FSTL4: variants seen among roughly 807,000 people sequenced by gnomAD.
FSTL4 encodes follistatin like 4, also known as follistatin-related protein 4.
In FSTL4, 28 loss-of-function variants were observed where a neutral mutation model predicts 78.2. That is an observed-to-expected ratio of 0.36 (90% CI 0.27 to 0.49). FSTL4 has a LOEUF of 0.49. FSTL4 is among the 20% of genes least tolerant of loss of function. The pLI is 0.98. For missense variants in FSTL4, 922 were observed against 1,084.9 expected (o/e 0.85, Z 2.11); for synonymous variants, 422 against 440.5 (o/e 0.96, Z 0.53).
At chr5:133,311,040 C>T (rs1369725961) in intron 6 of FSTL4, among the ~76,000 whole-genome samples, 1 of 152,200 alleles carries the variant, frequency 6.6e-6, no homozygotes, top group African/African-American at 2.4e-5. Flanking sequence ...AATGTCCCCC[C>T]TTCCCCTTTT....
At chr5:133,802,659 G>C in the FSTL4 span, among the ~76,000 whole-genome samples, 8 of 152,120 alleles carry the variant, frequency 5.3e-5, no homozygotes, top group African/African-American at 1.9e-4. Context: ...CATCATCCCA[G>C]CCCAAGCCTC....
chr5:133,748,726 G>A, the FSTL4 span, among the ~76,000 whole-genome samples: 1 of 152,298 alleles, frequency 6.6e-6, no homozygotes, highest in East Asian at 1.9e-4. Context: ...GCCCTGAAGT[G>A]TTTCTTCTGA....
chr5:133,245,926 A>G (rs1014844263), intron 7 of FSTL4, among the ~76,000 whole-genome samples: 12 of 152,248 alleles, frequency 7.9e-5, no homozygotes, highest in Admixed American at 7.2e-4. Flanking sequence ...GGCATTCTGT[A>G]ATAGCTCTGT....
Position 133,230,304 on chromosome 5 carries a change from G to T in FSTL4, c.1015+3113C>A, listed in dbSNP as rs13360360. ...CCTAAGATCTGAGATGGGGCTGGAG[G>T]ATGTGCATTTACCTAACAGGTTCCA... On this transcript the variant is annotated intron_variant, in intron 8 of 15. Transcript: ENST00000265342. Among the ~76,000 whole-genome samples, 667 of 152,290 alleles carry T rather than the reference G, an allele frequency of 4.4e-3. 5 individuals carry two copies. Among genetic ancestry groups the T allele is most frequent in the Non-Finnish European group, 5.0e-3 (343 of 68,018 alleles).
chr5:133,345,032 G>A (rs1400289717), intron 4 of FSTL4, among the ~76,000 whole-genome samples: 2 of 147,744 alleles, frequency 1.4e-5, no homozygotes, highest in Non-Finnish European at 3.0e-5. Context: ...GCAGTGGAAC[G>A]ATCTCCACTC....
At chr5:133,780,882 A>G in the FSTL4 span, among the ~76,000 whole-genome samples, 6 of 152,184 alleles carry the variant, frequency 3.9e-5, no homozygotes, top group Non-Finnish European at 7.3e-5. Flanking sequence ...GTTGGCTCTA[A>G]ACAGCCTGCT....
chr5:133,779,358 G>A, the FSTL4 span, among the ~76,000 whole-genome samples: 5 of 152,120 alleles, frequency 3.3e-5, no homozygotes, highest in Admixed American at 6.5e-5. Context: ...AAGCCAAGGC[G>A]GGTGGATCAC....
the FSTL4 span, among the ~76,000 whole-genome samples, chr5:133,802,258 C>A: frequency 6.6e-6 from 1 of 152,150 alleles, no homozygotes; most frequent in Non-Finnish European, 1.5e-5. Context: ...ATGCATAATT[C>A]TGCAATTCCT....
intron 3 of FSTL4, among the ~76,000 whole-genome samples, chr5:133,512,639 T>C (rs1758757646): frequency 6.6e-6 from 1 of 152,222 alleles, no homozygotes; most frequent in Non-Finnish European, 1.5e-5. Context: ...GCATCATAAA[T>C]TATGTAGTAT....
intron 1 of FSTL4, among the ~76,000 whole-genome samples, chr5:133,610,762 C>T (rs1761072846): frequency 6.6e-6 from 1 of 152,224 alleles, no homozygotes; most frequent in Non-Finnish European, 1.5e-5. Context: ...ATTAAGAAGA[C>T]ACTATTAAAA....
chr5:133,275,018 T>C (rs774794876), intron 6 of FSTL4, among the ~76,000 whole-genome samples: 6 of 152,152 alleles, frequency 3.9e-5, no homozygotes, highest in Non-Finnish European at 8.8e-5. Context: ...TCCCAGCACT[T>C]TGGGAGGCCG....
At chr5:133,570,039 C>T (rs964700237) in intron 2 of FSTL4, among the ~76,000 whole-genome samples, 26 of 151,726 alleles carry the variant, frequency 1.7e-4, no homozygotes, top group African/African-American at 5.3e-4. Context: ...GAAACCCCAT[C>T]TCTACTAAAA....
chr5:133,808,920 A>G, the FSTL4 span, among the ~76,000 whole-genome samples: 1 of 151,114 alleles, frequency 6.6e-6, no homozygotes, highest in Admixed American at 6.6e-5. Context: ...TAGAATAGAA[A>G]AAGGAATTCA....
chr5:133,448,749 G>GGA (rs1554115260), intron 3 of FSTL4, among the ~76,000 whole-genome samples: 1 of 140,256 alleles, frequency 7.1e-6, no homozygotes, highest in Non-Finnish European at 1.6e-5. Flanking sequence ...CGGGGGGGGG[G>GGA]GGCGCTCAGA....
chr5:133,719,672 TA>T, the FSTL4 span, among the ~76,000 whole-genome samples: 32,092 of 101,854 alleles, frequency 0.32, 4,438 homozygotes, highest in East Asian at 0.46. Flanking sequence ...AAACTCCATC[TA>T]AAAAAAAAAA....
Position 133,199,617 on chromosome 5 carries a change from G to A in FSTL4, c.2007C>T (p.Ala669=). 6.2e-7 allele frequency: 1 copy of A among 1,614,184 alleles called. No homozygotes were observed. Residue 669 remains alanine (A), a synonymous_variant, in exon 16 of 16, where the codon GCC becomes GCT. Transcript: ENST00000265342. The surrounding 1 kb of genome is among the most constrained non-coding windows in gnomAD (Gnocchi z 4.4). ...QCRQDSPASA[A]RQLLVDSVTD... is the part of the protein sequence containing the mutation. Reference sequence around the variant, plus strand: ...TGACACTGTCAACGAGCAGCTGTCGGGCAGCAGAGGCGGGGCTGTCCTGTC... The same window carrying A: ...TGACACTGTCAACGAGCAGCTGTCGAGCAGCAGAGGCGGGGCTGTCCTGTC...
intron 3 of FSTL4, among the ~76,000 whole-genome samples, chr5:133,504,312 C>T (rs1353666364): frequency 6.6e-6 from 1 of 152,108 alleles, no homozygotes; most frequent in Non-Finnish European, 1.5e-5. Flanking sequence ...TTTCCATATC[C>T]AGTAAGTCAC....
chr5:133,675,718 T>C, the FSTL4 span, among the ~76,000 whole-genome samples: 1 of 152,312 alleles, frequency 6.6e-6, no homozygotes. Flanking sequence ...GTAAAATATG[T>C]CCTTGTGACC....
At chr5:133,399,448 C>A (rs572826305) in intron 4 of FSTL4, among the ~76,000 whole-genome samples, 1 of 152,340 alleles carries the variant, frequency 6.6e-6, no homozygotes, top group South Asian at 2.1e-4. Flanking sequence ...CCAAGCCCTG[C>A]CCTGCCTAGC....
Sources: allele counts gnomAD v4.1 joint callset (sites outside exome capture counted in the v4.1 genomes callset), GRCh38; gene constraint gnomAD v4.1.1; non-coding constraint Gnocchi (gnomAD v3.1); transcripts MANE v1.5; gene names NCBI Gene and HGNC (gene_info 2026-07-23, HGNC 2026-07-21).